The following ARID1A variants were observed in gnomAD, a reference collection of about 807,000 sequenced individuals.
The protein encoded by ARID1A is AT-rich interaction domain 1A.
In ARID1A, 20 loss-of-function variants were observed where a neutral mutation model predicts 212.6. That is an observed-to-expected ratio of 0.09 (90% CI 0.07 to 0.14). The LOEUF is 0.14. ARID1A is among the 10% of genes least tolerant of loss of function. The pLI is 1.00. For missense variants in ARID1A, 2,587 were observed against 3,059.0 expected (o/e 0.85, Z 3.64); for synonymous variants, 1,376 against 1,222.1 (o/e 1.13, Z -2.63).
At chr1:26,762,416 A>T (rs1041137920) in intron 7 of ARID1A, 97 bp downstream of exon 7, 15 of 1,384,910 alleles carry the variant, frequency 1.1e-5, no homozygotes, top group Non-Finnish European at 1.5e-5. Flanking sequence ...TTGTGAGAGA[A>T]GGGCTGTCCT....
chr1:26,696,144 C>T lies in ARID1A; in HGVS notation c.-260C>T. 2.1e-6 allele frequency: 1 copy of T among 487,562 alleles called. No homozygotes were observed. Among genetic ancestry groups the T allele is most frequent in the Non-Finnish European group, 2.9e-6 (1 of 341,390 alleles). The allele number at this position is 487,562 out of a possible 1,614,324, so 30.2% of individuals were successfully genotyped here. A position where few individuals can be genotyped will look rare whatever the true frequency, so the allele number is the denominator to read the frequency against. ...TGAGCCGGGAGAGCCGGGTCCCGAG[C>T]CTACAGAGCCGGGAGCAGCTGAGCC... On this transcript the variant is annotated 5_prime_UTR_variant, in exon 1 of 20. Coordinates refer to ENST00000324856, the MANE Select transcript of ARID1A (RefSeq NM_006015.6).
chr1:26,698,098 T>C (rs1338507274), intron 1 of ARID1A, among the ~76,000 whole-genome samples: 1 of 152,232 alleles, frequency 6.6e-6, no homozygotes, highest in Non-Finnish European at 1.5e-5. Context: ...GCCCGGTCCA[T>C]CTCCTGTCTT....
chr1:26,758,619 C>CAA (rs113900947), intron 4 of ARID1A, among the ~76,000 whole-genome samples: 14 of 93,690 alleles, frequency 1.5e-4, no homozygotes, highest in East Asian at 2.9e-4. Flanking sequence ...GACCCTGTCT[C>CAA]AAAAAAAAAA....
intron 4 of ARID1A, among the ~76,000 whole-genome samples, chr1:26,734,455 G>C (rs2080710304): frequency 6.6e-6 from 1 of 151,670 alleles, no homozygotes. Context: ...AAGTGAAGGT[G>C]AAGGTGTTGG....
chr1:26,709,451 G>T (rs1399711509), intron 1 of ARID1A, among the ~76,000 whole-genome samples: 2 of 152,080 alleles, frequency 1.3e-5, no homozygotes, highest in Non-Finnish European at 2.9e-5. Flanking sequence ...GATGTAGGAA[G>T]ATTGCAGCAC....
At chr1:26,723,376 G>C (rs182414307) in intron 1 of ARID1A, among the ~76,000 whole-genome samples, 2 of 152,170 alleles carry the variant, frequency 1.3e-5, no homozygotes, top group Non-Finnish European at 2.9e-5. Flanking sequence ...AACAGCTGTC[G>C]CCTGTCCCTG....
At chr1:26,732,924 T>TA in intron 4 of ARID1A, 132 bp downstream of exon 4, 1 of 753,144 alleles carries the variant, frequency 1.3e-6, no homozygotes, top group South Asian at 1.7e-5. Flanking sequence ...TCAAGGAACT[T>TA]AAAGGCTGAC....
chr1:26,774,412 T>C lies in ARID1A; in HGVS notation c.4185T>C (p.Thr1395=), dbSNP rs752063613. 8 of 1,612,068 alleles carry C rather than the reference T, an allele frequency of 5.0e-6. No homozygotes were observed. In the East Asian group the frequency reaches 1.8e-4, roughly 36 times the overall value. ...AGATGTACAGCGTGCCATACAGCAC[T>C]GGGCAGGGGCAGCCTCAGCAGCAGC... ...EGEMYSVPYS[T]GQGQPQQQQL... is the part of the protein sequence containing the mutation. Residue 1395 remains threonine (T), a synonymous_variant, in exon 18 of 20, where the codon ACT becomes ACC. Transcript: ENST00000324856. This position sits in a 1 kb window ranked among gnomAD's most constrained non-coding sequence, Gnocchi z 5.6.
At chr1:26,705,460 C>T (rs928069031) in intron 1 of ARID1A, among the ~76,000 whole-genome samples, 3 of 150,822 alleles carry the variant, frequency 2.0e-5, no homozygotes, top group Non-Finnish European at 3.0e-5. Flanking sequence ...TTCCCCCCCC[C>T]TCAAGTAATG....
rs1283216163 is a variant in ARID1A, at chr1:26,760,874, G to A, written c.1939G>A (p.Asp647Asn). The change falls in exon 5 of 20, where the codon GAT becomes AAT. Residue 647 changes from aspartate to asparagine, a missense_variant. Asp to Asn is a conservative substitution (Grantham distance 23). Coordinates refer to ENST00000324856, the MANE Select transcript of ARID1A (RefSeq NM_006015.6). ...GTTCTAGGATCTATCTGGTTCAATA[G>A]ATGACCTCCCCATGGGGACAGAAGG... ...SSLPDLSGSI[D>N]DLPMGTEGAL... The A allele has an allele frequency of 1.2e-6, 2 of 1,613,080 alleles. No individual in the cohort carries two copies. Among genetic ancestry groups the A allele is most frequent in the Non-Finnish European group, 1.7e-6 (2 of 1,179,414 alleles).
intron 1 of ARID1A, among the ~76,000 whole-genome samples, chr1:26,725,596 AAAAG>A (rs1293654710): frequency 6.6e-6 from 1 of 152,192 alleles, no homozygotes; most frequent in Non-Finnish European, 1.5e-5. Context: ...GACGACCAGA[AAAAG>A]AAAGCATATT....
chr1:26,754,136 G>A (rs1373713903), intron 4 of ARID1A, among the ~76,000 whole-genome samples: 4 of 152,160 alleles, frequency 2.6e-5, no homozygotes, highest in Non-Finnish European at 4.4e-5. Flanking sequence ...TGATAAATGT[G>A]TTGTAGAAAA....
intron 4 of ARID1A, among the ~76,000 whole-genome samples, chr1:26,744,080 C>T (rs1174259644): frequency 2.0e-5 from 3 of 152,068 alleles, no homozygotes; most frequent in African/African-American, 7.2e-5. Context: ...GAAATCCCCA[C>T]CCCCTCTGTC....
chr1:26,745,779 C>T (rs1054304215), intron 4 of ARID1A, among the ~76,000 whole-genome samples: 2 of 152,300 alleles, frequency 1.3e-5, no homozygotes, highest in African/African-American at 2.4e-5. Context: ...GCCGCAGGCA[C>T]GGTAGCTCAC....
intron 4 of ARID1A, among the ~76,000 whole-genome samples, chr1:26,749,648 G>T (rs532664755): frequency 1.3e-5 from 2 of 152,172 alleles, no homozygotes; most frequent in African/African-American, 2.4e-5. Flanking sequence ...GCAGAGGTGG[G>T]TTAGAACAGC....
intron 1 of ARID1A, among the ~76,000 whole-genome samples, chr1:26,702,450 T>C (rs917371109): frequency 6.6e-6 from 1 of 152,208 alleles, no homozygotes; most frequent in African/African-American, 2.4e-5. Flanking sequence ...GAACAGTGTT[T>C]GATAATTCTG....
intron 1 of ARID1A, among the ~76,000 whole-genome samples, chr1:26,723,995 A>T (rs2080592379): frequency 6.6e-6 from 1 of 152,162 alleles, no homozygotes; most frequent in African/African-American, 2.4e-5. Context: ...GACTTCCTTA[A>T]CTACCGCTCT....
intron 4 of ARID1A, among the ~76,000 whole-genome samples, chr1:26,744,689 T>C (rs139997945): frequency 1.3e-5 from 2 of 152,192 alleles, no homozygotes; most frequent in African/African-American, 4.8e-5. Flanking sequence ...TGGCCCAAGC[T>C]TCCCTGAAGC....
At position 26,780,182 on chromosome 1, in the gene ARID1A, C is replaced by T. The variant is rs778949840; in HGVS notation, c.6284C>T (p.Pro2095Leu). 6.2e-7 allele frequency: 1 copy of T among 1,614,180 alleles called. No homozygotes were observed. Among genetic ancestry groups the T allele is most frequent in the Middle Eastern group, 1.6e-4 (1 of 6,062 alleles). Residue 2095 changes from proline to leucine, a missense_variant, in exon 20 of 20, where the codon CCT becomes CTT. Around this residue, in one of 11 missense-constraint regions of ARID1A, gnomAD observed 168 missense variants for 321.0 expected, o/e 0.52. Coordinates refer to ENST00000324856, the MANE Select transcript of ARID1A (RefSeq NM_006015.6). The surrounding 1 kb of genome is among the most constrained non-coding windows in gnomAD (Gnocchi z 7.2). The part of the protein sequence containing the change: ...LDGLLHWAVC[P>L]SAEAQDPFST... ...GGACTCCTACACTGGGCAGTTTGCCCTTCAGCTGAAGCCCAGGACCCCTTT... is the reference window on the plus strand; with the variant it reads ...GGACTCCTACACTGGGCAGTTTGCCTTTCAGCTGAAGCCCAGGACCCCTTT...
Sources: allele counts gnomAD v4.1 joint callset (sites outside exome capture counted in the v4.1 genomes callset), GRCh38; gene constraint gnomAD v4.1.1; regional missense constraint gnomAD v4.1.1; non-coding constraint Gnocchi (gnomAD v3.1); transcripts MANE v1.5; gene names NCBI Gene and HGNC (gene_info 2026-07-23, HGNC 2026-07-21).